PLIN4: variants seen among roughly 807,000 people sequenced by gnomAD.
PLIN4 encodes perilipin 4.
A neutral mutation model predicts 52.4 loss-of-function variants in PLIN4; 57 were observed. The observed-to-expected ratio is 1.09, with a 90% CI of 0.88 to 1.36. The LOEUF (loss-of-function observed/expected upper bound fraction) is 1.36. Among genes scored for constraint, PLIN4 ranks in the 40% most tolerant of loss-of-function variants. The probability of loss-of-function intolerance (pLI) is 0.00; values close to 1 mark genes in which losing one functional copy is unlikely to be tolerated. For missense variants in PLIN4, 1,757 were observed against 1,770.3 expected (o/e 0.99, Z 0.13); for synonymous variants, 826 against 785.4 (o/e 1.05, Z -0.86).
At position 4,510,474 on chromosome 19, in the gene PLIN4, G is replaced by A. The variant is rs755069389; in HGVS notation, c.3486C>T (p.Ile1162=). The change falls in exon 5 of 8, where the codon ATC becomes ATT. Residue 1162 remains isoleucine, a synonymous_variant. Transcript: ENST00000301286. Reference sequence around the variant, plus strand: ...GCTCCTCCGCATTCATGGGGTGGAAGATGTCCCCCAGCCCCTCCAACTCAT... The same window carrying A: ...GCTCCTCCGCATTCATGGGGTGGAAAATGTCCCCCAGCCCCTCCAACTCAT... ...LQNELEGLGD[I]FHPMNAEEQA... The A allele has an allele frequency of 1.4e-6, 2 of 1,437,852 alleles. No individual in the cohort carries two copies. The highest frequency in any genetic ancestry group is 9.1e-7 in the Non-Finnish European group (1 of 1,093,098). 89.1% of individuals were successfully genotyped at this position (1,437,852 alleles called of 1,614,324 possible).
intron 4 of PLIN4, 135 bp from the exon 5 acceptor site, chr19:4,513,836 A>T: frequency 1.7e-6 from 2 of 1,159,876 alleles, no homozygotes; most frequent in Non-Finnish European, 2.3e-6. Flanking sequence ...CTCCTCAAAA[A>T]GCAAGCTGCT....
At chr19:4,516,476 C>A (rs988140802) in intron 4 of PLIN4, 141 bp downstream of exon 4, 11 of 1,003,274 alleles carry the variant, frequency 1.1e-5, no homozygotes, top group Non-Finnish European at 1.4e-5. Flanking sequence ...TTCCCTCAGG[C>A]CCACAGCAGC....
rs754278167 is a variant in PLIN4, at chr19:4,510,953, C to T, written c.3007G>A (p.Gly1003Ser). Residue 1003 changes from glycine to serine, a missense_variant, in exon 5 of 8, where the codon GGT becomes AGT. Coordinates refer to ENST00000301286, the MANE Select transcript of PLIN4 (RefSeq NM_001367868.2). ...TKDTVFSGVTGAMSMAKGAVQ... is the reference protein window; with the variant it reads ...TKDTVFSGVTSAMSMAKGAVQ... ...GCCCCTTTGGCCATGCTCATGGCAC[C>T]GGTAACCCCACTGAAGACAGTGTCC... 68 of 1,613,206 alleles carry T rather than the reference C, an allele frequency of 4.2e-5. 1 individual carries two copies. The highest frequency in any genetic ancestry group is 1.6e-4 in the Middle Eastern group (1 of 6,084).
In PLIN4 at chr19:4,513,337, C is replaced by A; in HGVS notation, c.623G>T (p.Gly208Val). The change falls in exon 5 of 8, where the codon GGG (glycine) becomes GTG (valine). Residue 208 changes from glycine (G) to valine (V), a missense_variant. Physicochemically the swap from Gly to Val is moderately radical, Grantham distance 109. This residue lies in a region of PLIN4 where 332 missense variants were observed against 310.8 expected (regional missense o/e 1.07). Transcript: ENST00000301286. ...LTGTKDTVTT[G>V]VMGAVNLAKG... ...GGCCAAGTTCACTGCCCCCATGACC[C>A]CAGTAGTCACTGTGTCTTTGGTGCC... The A allele has an allele frequency of 6.2e-7, 1 of 1,613,662 alleles. No homozygotes were observed. Among genetic ancestry groups the A allele is most frequent in the Non-Finnish European group, 8.5e-7 (1 of 1,179,862 alleles).
Position 4,510,661 on chromosome 19 carries a change from C to A in PLIN4, c.3299G>T (p.Ser1100Ile). Residue 1100 changes from serine (S) to isoleucine (I), a missense_variant, in exon 5 of 8, where the codon AGT becomes ATT. Around this residue, in one of 7 missense-constraint regions of PLIN4, gnomAD observed 712 missense variants for 637.1 expected, o/e 1.12. Transcript: ENST00000301286. ...SGISTPPDVL[S>I]VGPEPAWEAA... ...TTCCCAGGCAGGCTCCGGGCCTACA[C>A]TGAGCACATCCGGGGGCGTGGAGAT... is the stretch of plus-strand genomic sequence containing the variant. 1 of 1,517,250 alleles carries A rather than the reference C, an allele frequency of 6.6e-7. No homozygotes were observed. Among genetic ancestry groups the A allele is most frequent in the African/African-American group, 1.4e-5 (1 of 71,876 alleles). 94.0% of individuals were successfully genotyped at this position (1,517,250 alleles called of 1,614,324 possible).
chr19:4,510,399 G>A, intron 5 of PLIN4, 47 bp downstream of exon 5: 4 of 1,356,570 alleles, frequency 2.9e-6, no homozygotes, highest in Non-Finnish European at 3.8e-6. Context: ...GGACCTGCTA[G>A]CAGCTGTGCC....
At position 4,518,254 on chromosome 19, in the gene PLIN4, C is replaced by G; in HGVS notation, c.19G>C (p.Gly7Arg). MSAPDE[G>R]RRDPPKPKGK... ...TTCGGTTTGGGGGGATCCCGTCTCCCTTCGTCTGGAGCAGACATAGTGAGA... is the reference window on the plus strand; with the variant it reads ...TTCGGTTTGGGGGGATCCCGTCTCCGTTCGTCTGGAGCAGACATAGTGAGA... Residue 7 changes from glycine to arginine, a missense_variant, in exon 2 of 8, where the codon GGG becomes CGG. Gly to Arg is a moderately radical substitution (Grantham distance 125). This residue lies in a region of PLIN4 where 332 missense variants were observed against 310.8 expected (regional missense o/e 1.07). Transcript: ENST00000301286. 8.1e-7 allele frequency: 1 copy of G among 1,233,022 alleles called. No individual in the cohort carries two copies. The highest frequency in any genetic ancestry group is 1.0e-6 in the Non-Finnish European group (1 of 988,650). The allele number at this position is 1,233,022 out of a possible 1,614,324, so 76.4% of individuals were successfully genotyped here. A position where few individuals can be genotyped will look rare whatever the true frequency, so the allele number is the denominator to read the frequency against.
chr19:4,508,342 C>T (rs552713898), intron 6 of PLIN4, among the ~76,000 whole-genome samples: 6 of 152,214 alleles, frequency 3.9e-5, no homozygotes, highest in East Asian at 3.9e-4. Context: ...CTGCAACCTC[C>T]GCCTCCCGGG....
rs761518216 is a variant in PLIN4, at chr19:4,510,530, C to A, written c.3430G>T (p.Glu1144Ter). 1.3e-6 allele frequency: 2 copies of A among 1,489,804 alleles called. No individual in the cohort carries two copies. Among genetic ancestry groups the A allele is most frequent in the East Asian group, 4.7e-5 (2 of 42,662 alleles). The allele number at this position is 1,489,804 out of a possible 1,614,324, so 92.3% of individuals were successfully genotyped here. ...AGCATTGCCAAGCGTGGGGCTTCTT[C>A]GGGGCCGTGTGTGGTGGCCAAAAGC... ...TGLLATTHGP[E>*]EAPRLAMLQN... The change falls in exon 5 of 8, where the codon GAA (glutamate) becomes TAA (stop). Residue 1144 changes from glutamate (E) to a stop codon, truncating the protein, a stop_gained. Coordinates refer to ENST00000301286, the MANE Select transcript of PLIN4 (RefSeq NM_001367868.2). LOFTEE classifies it high-confidence loss of function.
In PLIN4 at chr19:4,517,648, G is replaced by T; in HGVS notation, c.102C>A (p.Asn34Lys). The T allele has an allele frequency of 6.2e-7, 1 of 1,607,122 alleles. No homozygotes were observed. The highest frequency in any genetic ancestry group is 8.5e-7 in the Non-Finnish European group (1 of 1,177,518). ...GSLPGFSSAR[N>K]LVANAHSSAR... ...CCGAGCTATGTGCGTTGGCCACCAG[G>T]TTCCGGGCAGAGCTGAAGCCAGGCA... Residue 34 changes from asparagine (N) to lysine (K), a missense_variant, in exon 3 of 8, where the codon AAC becomes AAA. Transcript: ENST00000301286.
At chr19:4,508,649 G>T in intron 6 of PLIN4, 119 bp downstream of exon 6, 2 of 1,130,050 alleles carry the variant, frequency 1.8e-6, no homozygotes, top group Non-Finnish European at 2.5e-6. Flanking sequence ...CATGACCATT[G>T]GTGACGCTGA....
In PLIN4 at chr19:4,504,425, GGCGACCCCGC is replaced by G. The variant is rs1976020498; in HGVS notation, c.*24_*33del. On this transcript the variant is annotated 3_prime_UTR_variant, in exon 8 of 8. Transcript: ENST00000301286. ...GGCAGCTCCTCCCTGGACAGAGCAG[GGCGACCCCGC>G]GCCGGGCCTGCAGGCTCCTACAGCT... The G allele has an allele frequency of 6.7e-7, 1 of 1,487,298 alleles. No homozygotes were observed. The allele number at this position is 1,487,298 out of a possible 1,614,324, so 92.1% of individuals were successfully genotyped here.
rs1599734236 is a variant in PLIN4, at chr19:4,504,731, T to C, written c.3844A>G (p.Thr1282Ala). 6.3e-7 allele frequency: 1 copy of C among 1,599,938 alleles called. No homozygotes were observed. Among genetic ancestry groups the C allele is most frequent in the Non-Finnish European group, 8.5e-7 (1 of 1,174,980 alleles). The change falls in exon 8 of 8, where the codon ACG becomes GCG. Residue 1282 changes from threonine to alanine, a missense_variant. By Grantham distance (58) the Thr-to-Ala change is moderately conservative. Coordinates refer to ENST00000301286, the MANE Select transcript of PLIN4 (RefSeq NM_001367868.2). ...RVCGLLRQLH[T>A]AYSGLVSSLQ... ...CTGGAGACCAGGCCACTGTAGGCCG[T>C]GTGCAGCTGCCGGAGAAGGCCGCAG...
chr19:4,506,940 A>G (rs1197793545), intron 6 of PLIN4, among the ~76,000 whole-genome samples: 5 of 152,192 alleles, frequency 3.3e-5, no homozygotes, highest in Admixed American at 6.5e-5. Context: ...CCTAGGACAG[A>G]CTTGCCCTTG....
At position 4,504,582 on chromosome 19, in the gene PLIN4, C is replaced by G; in HGVS notation, c.3993G>C (p.Val1331=). Reference sequence around the variant, plus strand: ...CCTGGTGCACACCCTCGCGGCTCTGCACCAGCCGCTCTGCGGGCAGCTCCT... The same window carrying G: ...CCTGGTGCACACCCTCGCGGCTCTGGACCAGCCGCTCTGCGGGCAGCTCCT... ...SVEELPAERL[V]QSREGVHQAW... is the part of the protein sequence containing the mutation. Residue 1331 remains valine, a synonymous_variant, in exon 8 of 8, where the codon GTG becomes GTC. Transcript: ENST00000301286. 6.2e-7 allele frequency: 1 copy of G among 1,601,056 alleles called. No individual in the cohort carries two copies. Among genetic ancestry groups the G allele is most frequent in the East Asian group, 2.3e-5 (1 of 44,320 alleles).
At chr19:4,515,691 G>A (rs74172646) in intron 4 of PLIN4, among the ~76,000 whole-genome samples, 1 of 152,212 alleles carries the variant, frequency 6.6e-6, no homozygotes, top group African/African-American at 2.4e-5. Flanking sequence ...GGAGTAGGTG[G>A]AGACCAGGGA....
chr19:4,510,665 G>A lies in PLIN4; in HGVS notation c.3295C>T (p.Leu1099Phe), dbSNP rs1976269871. 1.3e-6 allele frequency: 2 copies of A among 1,517,754 alleles called. No homozygotes were observed. Among genetic ancestry groups the A allele is most frequent in the Non-Finnish European group, 8.8e-7 (1 of 1,136,264 alleles). The allele number at this position is 1,517,754 out of a possible 1,614,324, so 94.0% of individuals were successfully genotyped here. The change falls in exon 5 of 8, where the codon CTC becomes TTC. Residue 1099 changes from leucine (L) to phenylalanine (F), a missense_variant. This residue lies in a region of PLIN4 where 712 missense variants were observed against 637.1 expected (regional missense o/e 1.12). Coordinates refer to ENST00000301286, the MANE Select transcript of PLIN4 (RefSeq NM_001367868.2). The part of the protein sequence containing the change: ...FSGISTPPDV[L>F]SVGPEPAWEA... ...CAGGCAGGCTCCGGGCCTACACTGA[G>A]CACATCCGGGGGCGTGGAGATGCCA...
In PLIN4 at chr19:4,513,690, C is replaced by A; in HGVS notation, c.270G>T (p.Gly90=). ...TCTTGGAACACACCAGGTCTTTGGC[C>A]CCGGACACCATCTGCTGAGAAAGGA... The part of the protein sequence containing the change: ...ELQPSEKMVS[G]AKDLVCSKMS... The change falls in exon 5 of 8, where the codon GGG becomes GGT. Residue 90 remains glycine (G), a synonymous_variant. Coordinates refer to ENST00000301286, the MANE Select transcript of PLIN4 (RefSeq NM_001367868.2). 2 of 1,577,294 alleles carry A rather than the reference C, an allele frequency of 1.3e-6. No individual in the cohort carries two copies. Among genetic ancestry groups the A allele is most frequent in the South Asian group, 1.2e-5 (1 of 85,430 alleles).
In PLIN4 at chr19:4,513,020, C is replaced by A. The variant is rs201836115; in HGVS notation, c.940G>T (p.Val314Leu). Reference sequence around the variant, plus strand: ...CCGGTCTGGATGGTTCCTTTGGCCACATTCATGGCACCAGTCACCCCACTA... The same window carrying A: ...CCGGTCTGGATGGTTCCTTTGGCCAAATTCATGGCACCAGTCACCCCACTA... ...VCSGVTGAMN[V>L]AKGTIQTGVD... The change falls in exon 5 of 8, where the codon GTG (valine) becomes TTG (leucine). Residue 314 changes from valine (V) to leucine (L), a missense_variant. Around this residue, in one of 7 missense-constraint regions of PLIN4, gnomAD observed 99 missense variants for 143.4 expected, o/e 0.69. Transcript: ENST00000301286. 6.6e-6 allele frequency: 3 copies of A among 452,414 alleles called. No homozygotes were observed. The highest frequency in any genetic ancestry group is 2.2e-5 in the South Asian group (1 of 46,220). 28.0% of individuals were successfully genotyped at this position (452,414 alleles called of 1,614,324 possible). A position where few individuals can be genotyped will look rare whatever the true frequency, so the allele number is the denominator to read the frequency against.
Sources: allele counts gnomAD v4.1 joint callset (sites outside exome capture counted in the v4.1 genomes callset), GRCh38; gene constraint gnomAD v4.1.1; regional missense constraint gnomAD v4.1.1; transcripts MANE v1.5; gene names NCBI Gene and HGNC (gene_info 2026-07-23, HGNC 2026-07-21).